Variants in MEF2C observed in about 807,000 individuals in gnomAD.
The protein encoded by MEF2C is myocyte enhancer factor 2C.
Under a neutral mutation model 50.5 loss-of-function variants are expected in MEF2C, and 6 were observed. The ratio of observed to expected loss-of-function variants is 0.12; its 90% CI spans 0.07 to 0.23. The LOEUF (loss-of-function observed/expected upper bound fraction) is 0.23, where lower values mean the gene tolerates loss of function less well. Among genes scored for constraint, MEF2C ranks in the 10% least tolerant of loss-of-function variants. The pLI is 1.00. For missense variants in MEF2C, 276 were observed against 605.0 expected (o/e 0.46, Z 5.70); for synonymous variants, 183 against 228.0 (o/e 0.80, Z 1.78).
At chr5:88,850,084 C>T (rs116008773) in intron 1 of MEF2C, among the ~76,000 whole-genome samples, 4 of 140,212 alleles carry the variant, frequency 2.9e-5, no homozygotes, top group Non-Finnish European at 6.5e-5. Context: ...TATCCCTCCC[C>T]GCCCCCCAAC....
At chr5:88,899,523 G>T (rs756122083) in intron 1 of MEF2C, among the ~76,000 whole-genome samples, 2 of 152,146 alleles carry the variant, frequency 1.3e-5, no homozygotes, top group Non-Finnish European at 2.9e-5. Flanking sequence ...GTCACAAAAT[G>T]ACTTTGCAGT....
At chr5:88,832,354 T>C in intron 1 of MEF2C, among the ~76,000 whole-genome samples, 1 of 152,230 alleles carries the variant, frequency 6.6e-6, no homozygotes. Context: ...TCTATTTTTT[T>C]TTTAACATTT....
intron 3 of MEF2C, among the ~76,000 whole-genome samples, chr5:88,776,813 G>A (rs1294357582): frequency 6.6e-6 from 1 of 152,144 alleles, no homozygotes; most frequent in African/African-American, 2.4e-5. Flanking sequence ...CTAACATAAA[G>A]CTTTATGACA....
rs6884718 is a variant in MEF2C at position 88,741,339 on chromosome 5, T to A, written c.637+7731A>T. Reference sequence around the variant, plus strand: ...ACTGTGCTAGACCCCTTGCATCAGTTATCTCATTTAATTTTTACAACAATC... The same window carrying A: ...ACTGTGCTAGACCCCTTGCATCAGTAATCTCATTTAATTTTTACAACAATC... On this transcript the variant is annotated intron_variant, in intron 6 of 10. Transcript: ENST00000504921. 1,514 of 984,576 alleles carry A rather than the reference T, an allele frequency of 1.5e-3. 16 individuals carry two copies. In the African/African-American group the frequency reaches 0.024, roughly 16 times the overall value. 61.0% of individuals were successfully genotyped at this position (984,576 alleles called of 1,614,324 possible). A position where few individuals can be genotyped will look rare whatever the true frequency, so the allele number is the denominator to read the frequency against.
At chr5:88,855,076 G>C (rs538330912) in intron 1 of MEF2C, among the ~76,000 whole-genome samples, 1 of 152,182 alleles carries the variant, frequency 6.6e-6, no homozygotes, top group Non-Finnish European at 1.5e-5. Context: ...GCTGGACCCC[G>C]TGCTGTCCTT....
intron 1 of MEF2C, among the ~76,000 whole-genome samples, chr5:88,894,574 A>AT (rs1169225010): frequency 6.6e-6 from 1 of 152,198 alleles, no homozygotes; most frequent in Non-Finnish European, 1.5e-5. Context: ...TTAAGGATGA[A>AT]TTTTTTCCAA....
At chr5:88,742,404 T>C (rs1009938229) in intron 6 of MEF2C, 2 of 984,350 alleles carry the variant, frequency 2.0e-6, no homozygotes, top group Non-Finnish European at 2.4e-6. Flanking sequence ...GGCTTGAATT[T>C]AATATTAAAA....
intron 1 of MEF2C, among the ~76,000 whole-genome samples, chr5:88,863,727 GAGATCACACAGTATT>G (rs1826271767): frequency 6.6e-6 from 1 of 152,062 alleles, no homozygotes; most frequent in African/African-American, 2.4e-5. Flanking sequence ...ACGTACAAAT[GAGATCACACAGTATT>G]TGTCTCTCTG....
chr5:88,726,390 T>G (rs963232980), intron 10 of MEF2C, among the ~76,000 whole-genome samples: 4 of 152,180 alleles, frequency 2.6e-5, no homozygotes. Context: ...TACATAAGTA[T>G]TGCAGCTTGG....
intron 1 of MEF2C, among the ~76,000 whole-genome samples, chr5:88,861,485 G>T (rs1222495592): frequency 6.6e-6 from 1 of 152,150 alleles, no homozygotes; most frequent in African/African-American, 2.4e-5. Flanking sequence ...AAATTTACCG[G>T]TCTATCCAGT....
At chr5:88,862,085 C>T (rs780926925) in intron 1 of MEF2C, among the ~76,000 whole-genome samples, 15 of 152,100 alleles carry the variant, frequency 9.9e-5, no homozygotes, top group Non-Finnish European at 1.9e-4. Context: ...GTGAAGGTAA[C>T]GTTATCTAGC....
chr5:88,818,557 CAT>C (rs1351380594), intron 2 of MEF2C, among the ~76,000 whole-genome samples: 3 of 151,888 alleles, frequency 2.0e-5, no homozygotes, highest in Non-Finnish European at 2.9e-5. Context: ...TGGTCAGTAA[CAT>C]ATATTTGAAA....
chr5:88,856,308 A>G (rs189171786), intron 1 of MEF2C, among the ~76,000 whole-genome samples: 1 of 152,352 alleles, frequency 6.6e-6, no homozygotes, highest in Admixed American at 6.5e-5. Flanking sequence ...AGCTTTATGC[A>G]TTCACAAAAA....
chr5:88,749,020 A>G (rs1442875392), intron 6 of MEF2C, 50 bp downstream of exon 6: 1 of 1,552,428 alleles, frequency 6.4e-7, no homozygotes, highest in Non-Finnish European at 8.7e-7. Context: ...ATCACCTAGT[A>G]GAAGAACTCA....
At chr5:88,751,135 A>G in intron 5 of MEF2C, 1 of 974,282 alleles carries the variant, frequency 1.0e-6, no homozygotes, top group South Asian at 4.8e-5. Flanking sequence ...GTATCAAAAT[A>G]GACATATATT....
chr5:88,801,217 G>A (rs992099556), intron 3 of MEF2C, among the ~76,000 whole-genome samples: 1 of 152,064 alleles, frequency 6.6e-6, no homozygotes, highest in South Asian at 2.1e-4. Context: ...AGGGGTAATG[G>A]TCCAAATGGG....
intron 1 of MEF2C, among the ~76,000 whole-genome samples, chr5:88,895,650 T>C (rs1194880191): frequency 6.6e-6 from 1 of 152,184 alleles, no homozygotes; most frequent in Non-Finnish European, 1.5e-5. Flanking sequence ...CTCTCTTCCC[T>C]ATACTCACCT....
chr5:88,812,116 GT>G (rs1160799143), intron 2 of MEF2C, among the ~76,000 whole-genome samples: 1 of 152,086 alleles, frequency 6.6e-6, no homozygotes, highest in Non-Finnish European at 1.5e-5. Flanking sequence ...GAAACATACT[GT>G]AAAAGACTGG....
intron 2 of MEF2C, among the ~76,000 whole-genome samples, chr5:88,810,418 G>C (rs1802286072): frequency 1.3e-5 from 2 of 151,770 alleles, no homozygotes; most frequent in Non-Finnish European, 2.9e-5. Context: ...TTTATCCCTT[G>C]CCTGGATAAA....
Sources: allele counts gnomAD v4.1 joint callset (sites outside exome capture counted in the v4.1 genomes callset), GRCh38; gene constraint gnomAD v4.1.1; transcripts MANE v1.5; gene names NCBI Gene and HGNC (gene_info 2026-07-23, HGNC 2026-07-21).